ZNF665: variants seen among roughly 807,000 people sequenced by gnomAD.
ZNF665 encodes zinc finger protein 665.
A neutral mutation model predicts 7.9 loss-of-function variants in ZNF665; 6 were observed. That is an observed-to-expected ratio of 0.76 (90% CI 0.42 to 1.50). The LOEUF is 1.50. ZNF665 is among the 40% of genes most tolerant of loss of function. The pLI is 0.01. For synonymous variants in ZNF665, 242 were observed against 274.5 expected, an observed-to-expected ratio of 0.88 and a Z score of 1.17; for missense variants, 819 against 806.7, an observed-to-expected ratio of 1.02 and a Z score of -0.18.
rs760374747 is a variant in ZNF665 at position 53,164,645 on chromosome 19, A to G, written c.1845T>C (p.Asn615=). The part of the protein sequence containing the change: ...KVFTQNSHLA[N]HRRIHTGEKP... Reference sequence around the variant, plus strand: ...TTTCTCCAGTGTGAATTCTTCTATGATTTGCAAGATGTGAATTTTGAGTGA... The same window carrying G: ...TTTCTCCAGTGTGAATTCTTCTATGGTTTGCAAGATGTGAATTTTGAGTGA... Residue 615 remains asparagine, a synonymous_variant, in exon 4 of 4, where the codon AAT becomes AAC. Coordinates refer to ENST00000396424, the MANE Select transcript of ZNF665 (RefSeq NM_024733.5). The G allele has an allele frequency of 6.2e-7, 1 of 1,612,416 alleles. No homozygotes were observed. Among genetic ancestry groups the G allele is most frequent in the Non-Finnish European group, 8.5e-7 (1 of 1,178,832 alleles).
At chr19:53,168,972 A>G (rs2090637868) in intron 3 of ZNF665, among the ~76,000 whole-genome samples, 1 of 152,198 alleles carries the variant, frequency 6.6e-6, no homozygotes, top group East Asian at 1.9e-4. Context: ...CCTAATGTAA[A>G]ATCTAAACCA....
intron 3 of ZNF665, among the ~76,000 whole-genome samples, chr19:53,172,275 A>G (rs901987627): frequency 6.6e-6 from 1 of 152,194 alleles, no homozygotes; most frequent in Non-Finnish European, 1.5e-5. Flanking sequence ...TCAAGGGCCA[A>G]CTGTATACCC....
At chr19:53,180,550 A>G (rs2090730613) in intron 2 of ZNF665, 2 of 152,184 alleles carry the variant, frequency 1.3e-5, no homozygotes, top group Non-Finnish European at 2.9e-5. Context: ...TTATAAAACC[A>G]TGGGTGTATG....
At chr19:53,182,827 G>A (rs1469418059) in intron 2 of ZNF665, 57 bp downstream of exon 2, 47 of 1,612,292 alleles carry the variant, frequency 2.9e-5, no homozygotes, top group Non-Finnish European at 3.6e-5. Flanking sequence ...CCAACTCCAA[G>A]GTCCAAGGTT....
Position 53,175,546 on chromosome 19 carries a change from G to T in ZNF665, c.41C>A (p.Ala14Asp), listed in dbSNP as rs1412774889. The change falls in exon 3 of 4, where the codon GCC (alanine) becomes GAC (aspartate). Residue 14 changes from alanine (A) to aspartate (D), a missense_variant. Coordinates refer to ENST00000396424, the MANE Select transcript of ZNF665 (RefSeq NM_024733.5). ...CCACTCCTCCTGAGAGAATTCTATG[G>T]CCACATCCTTGAATGTCAACTGTCC... ...PQGQLTFKDV[A>D]IEFSQEEWTC... 1.9e-5 allele frequency: 30 copies of T among 1,608,012 alleles called. No homozygotes were observed. The highest frequency in any genetic ancestry group is 2.2e-5 in the Non-Finnish European group (26 of 1,178,360).
At chr19:53,180,214 C>A (rs1357322127) in intron 2 of ZNF665, among the ~76,000 whole-genome samples, 1 of 152,078 alleles carries the variant, frequency 6.6e-6, no homozygotes, top group Non-Finnish European at 1.5e-5. Flanking sequence ...AGATGGATCA[C>A]CTGAGGTCAG....
chr19:53,166,347 T>C lies in ZNF665; in HGVS notation c.143A>G (p.Asp48Gly), dbSNP rs1420042205. ...CGTGTTTACACATTTACAAGAGATA[T>C]CTGTAAGATATAAACAACCATAGAT... ...LENYRNLVSL[D>G]ISCKCVNTDL... Residue 48 changes from aspartate (D) to glycine (G), a missense_variant and splice_region_variant, in exon 4 of 4, where the codon GAT becomes GGT. Transcript: ENST00000396424. The C allele has an allele frequency of 1.9e-6, 3 of 1,553,678 alleles. No individual in the cohort carries two copies. Among genetic ancestry groups the C allele is most frequent in the East Asian group, 2.3e-5 (1 of 44,240 alleles).
chr19:53,175,491 C>G lies in ZNF665; in HGVS notation c.96G>C (p.Leu32Phe). Residue 32 changes from leucine to phenylalanine, a missense_variant, in exon 3 of 4, where the codon TTG (leucine) becomes TTC (phenylalanine). By Grantham distance (22) the Leu-to-Phe change is conservative. Transcript: ENST00000396424. The stretch of plus-strand genomic sequence containing the variant: ...AATTCTCCAACATGACGTCCCTGTA[C>G]AAAGTCTTCTGAGCAGGGTCCAGGC... Reference protein sequence around the residue: ...WTCLDPAQKTLYRDVMLENYR... With the variant: ...WTCLDPAQKTFYRDVMLENYR... The G allele has an allele frequency of 1.2e-6, 2 of 1,613,062 alleles. No homozygotes were observed. Among genetic ancestry groups the G allele is most frequent in the Non-Finnish European group, 1.7e-6 (2 of 1,179,666 alleles).
rs1445083255 is a variant in ZNF665, at chr19:53,171,529, T to A, written c.142+3916A>T. Among the ~76,000 whole-genome samples the A allele has an allele frequency of 1.6e-3, 220 of 134,120 alleles. 2 individuals are homozygous for A. Among genetic ancestry groups the A allele is most frequent in the African/African-American group, 4.7e-3 (176 of 37,404 alleles). 88.0% of individuals were successfully genotyped at this position (134,120 alleles called of 152,430 possible). A position where few individuals can be genotyped will look rare whatever the true frequency, so the allele number is the denominator to read the frequency against. ...GTATATATATATATATATATATTTT[T>A]TTTTTTTTTTTCTTTTTTTAGACGG... On this transcript the variant is annotated intron_variant, in intron 3 of 3. Coordinates refer to ENST00000396424, the MANE Select transcript of ZNF665 (RefSeq NM_024733.5).
chr19:53,171,525 T>TATATATA (rs1555804190), intron 3 of ZNF665, among the ~76,000 whole-genome samples: 161 of 37,236 alleles, frequency 4.3e-3, no homozygotes, highest in African/African-American at 7.8e-3. Context: ...TATATATATA[T>TATATATA]TTTTTTTTTT....
intron 1 of ZNF665, 25 bp from the exon 2 acceptor site, chr19:53,182,968 A>G (rs1453355524): frequency 1.3e-6 from 2 of 1,589,532 alleles, no homozygotes; most frequent in Non-Finnish European, 8.6e-7. Context: ...AAGAGACTTT[A>G]GAATTCAATC....
intron 1 of ZNF665, among the ~76,000 whole-genome samples, chr19:53,189,475 G>A (rs1035236481): frequency 1.8e-4 from 27 of 146,990 alleles, no homozygotes; most frequent in Admixed American, 3.4e-4. Flanking sequence ...CCACTGGACA[G>A]GGGGCCCTTC....
At chr19:53,167,927 G>A (rs2090629145) in intron 3 of ZNF665, among the ~76,000 whole-genome samples, 1 of 147,646 alleles carries the variant, frequency 6.8e-6, no homozygotes, top group African/African-American at 2.4e-5. Flanking sequence ...GTTGTGGCGG[G>A]CGCCTGCAGT....
chr19:53,185,676 T>C (rs1348185982), intron 1 of ZNF665, among the ~76,000 whole-genome samples: 2 of 151,964 alleles, frequency 1.3e-5, no homozygotes, highest in Non-Finnish European at 2.9e-5. Context: ...CCGTGCATAG[T>C]CCACATTTAG....
intron 1 of ZNF665, among the ~76,000 whole-genome samples, chr19:53,191,125 T>C (rs1268701277): frequency 6.6e-6 from 1 of 152,088 alleles, no homozygotes; most frequent in Non-Finnish European, 1.5e-5. Context: ...CCTCAACTAG[T>C]GGGATCTAAT....
rs745760383 is a variant in ZNF665 at position 53,165,850 on chromosome 19, C to G, written c.640G>C (p.Ala214Pro). Reference sequence around the variant, plus strand: ...GTTAGGTTTGAACGAACAGTAAAGGCTTTGCCACACTTATTACACTGGTAA... The same window carrying G: ...GTTAGGTTTGAACGAACAGTAAAGGGTTTGCCACACTTATTACACTGGTAA... ...KPYQCNKCGK[A>P]FTVRSNLTIH... The change falls in exon 4 of 4, where the codon GCC (alanine) becomes CCC (proline). Residue 214 changes from alanine to proline, a missense_variant. By Grantham distance (27) the Ala-to-Pro change is conservative. Coordinates refer to ENST00000396424, the MANE Select transcript of ZNF665 (RefSeq NM_024733.5). 1.9e-6 allele frequency: 3 copies of G among 1,614,056 alleles called. No individual in the cohort carries two copies. In the African/African-American group the frequency reaches 4.0e-5, roughly 22 times the overall value.
intron 3 of ZNF665, among the ~76,000 whole-genome samples, chr19:53,174,085 G>T (rs1419732839): frequency 6.6e-6 from 1 of 152,122 alleles, no homozygotes; most frequent in Non-Finnish European, 1.5e-5. Flanking sequence ...CCATCTCTTG[G>T]AAGTAGGTCT....
In ZNF665 at chr19:53,166,132, G is replaced by T; in HGVS notation, c.358C>A (p.Leu120Ile). The T allele has an allele frequency of 6.2e-7, 1 of 1,613,810 alleles. No homozygotes were observed. Among genetic ancestry groups the T allele is most frequent in the Admixed American group, 1.7e-5 (1 of 60,012 alleles). ...KTVLMLQKEN[L>I]PGRRAQRDRR... ...TCACGTTGAGCTCTTCTACCAGGGA[G>T]ATTTTCTTTTTGCAACATAAGTACT... The change falls in exon 4 of 4, where the codon CTC (leucine) becomes ATC (isoleucine). Residue 120 changes from leucine (L) to isoleucine (I), a missense_variant. Transcript: ENST00000396424.
chr19:53,175,592 C>T (rs373897910), intron 2 of ZNF665, 21 bp from the exon 3 acceptor site: 107 of 1,580,682 alleles, frequency 6.8e-5, no homozygotes, highest in Non-Finnish European at 8.9e-5. Flanking sequence ...AAACACATTT[C>T]ACCAAGTGAC....
Sources: gnomAD v4.1 joint callset for allele counts (sites outside exome capture counted in the v4.1 genomes callset) on GRCh38, gnomAD v4.1.1 for gene constraint, MANE v1.5 for transcripts, NCBI Gene and HGNC (gene_info 2026-07-23, HGNC 2026-07-21) for gene names.